IMMP2L: variants seen among roughly 807,000 people sequenced by gnomAD.
IMMP2L encodes mitochondrial inner membrane protease subunit 2.
Under a neutral mutation model 19.3 loss-of-function variants are expected in IMMP2L, and 18 were observed. The ratio of observed to expected loss-of-function variants is 0.93; its 90% CI spans 0.64 to 1.38. The LOEUF is 1.38. Ranked by LOEUF, IMMP2L falls within the 40% of genes most tolerant of loss-of-function variation. IMMP2L has a pLI of 0.00. For missense variants in IMMP2L, 233 were observed against 218.2 expected, an observed-to-expected ratio of 1.07 and a Z score of -0.43; for synonymous variants, 76 against 73.0, an observed-to-expected ratio of 1.04 and a Z score of -0.21.
At chr7:110,973,956 C>T (rs1051463758) in intron 3 of IMMP2L, among the ~76,000 whole-genome samples, 4 of 152,032 alleles carry the variant, frequency 2.6e-5, no homozygotes, top group Non-Finnish European at 5.9e-5. Flanking sequence ...CCGTCATCTT[C>T]ATGTGTGGAC....
chr7:111,344,027 T>G (rs1413506656), intron 3 of IMMP2L, among the ~76,000 whole-genome samples: 2 of 152,114 alleles, frequency 1.3e-5, no homozygotes, highest in Non-Finnish European at 2.9e-5. Flanking sequence ...TATCTCCATT[T>G]TTTCTATACT....
At chr7:110,790,412 T>A (rs1800384205) in intron 5 of IMMP2L, among the ~76,000 whole-genome samples, 1 of 151,760 alleles carries the variant, frequency 6.6e-6, no homozygotes, top group Non-Finnish European at 1.5e-5. Context: ...GATAATTGTC[T>A]ATATGAAGAG....
At chr7:110,761,308 G>T (rs1268602373) in intron 5 of IMMP2L, among the ~76,000 whole-genome samples, 1 of 152,092 alleles carries the variant, frequency 6.6e-6, no homozygotes, top group South Asian at 2.1e-4. Flanking sequence ...ATCAAGCCCT[G>T]CTGACTGTTT....
At chr7:111,217,832 A>G (rs186344218) in intron 3 of IMMP2L, among the ~76,000 whole-genome samples, 1 of 152,204 alleles carries the variant, frequency 6.6e-6, no homozygotes, top group African/African-American at 2.4e-5. Context: ...TCTTCCCTAT[A>G]TATTCTAGAA....
chr7:111,119,924 C>G (rs1411177081), intron 3 of IMMP2L, among the ~76,000 whole-genome samples: 1 of 152,058 alleles, frequency 6.6e-6, no homozygotes, highest in African/African-American at 2.4e-5. Flanking sequence ...ATATGAAAGT[C>G]TTGTATGAAA....
At chr7:111,119,143 G>T (rs1057093038) in intron 3 of IMMP2L, among the ~76,000 whole-genome samples, 1 of 152,110 alleles carries the variant, frequency 6.6e-6, no homozygotes, top group Non-Finnish European at 1.5e-5. Context: ...CAGACCTAAC[G>T]AATTAATTGA....
intron 3 of IMMP2L, among the ~76,000 whole-genome samples, chr7:111,111,766 A>G (rs765044478): frequency 1.3e-5 from 2 of 151,970 alleles, no homozygotes; most frequent in Non-Finnish European, 2.9e-5. Flanking sequence ...GCTTCAAGTA[A>G]AGAGTTATTG....
At chr7:111,319,715 G>A (rs904001667) in intron 3 of IMMP2L, among the ~76,000 whole-genome samples, 2 of 151,898 alleles carry the variant, frequency 1.3e-5, no homozygotes, top group South Asian at 4.1e-4. Flanking sequence ...TTAAACCTAA[G>A]TTTTTTTAGA....
intron 3 of IMMP2L, among the ~76,000 whole-genome samples, chr7:111,049,591 T>C (rs924331057): frequency 6.6e-6 from 1 of 152,198 alleles, no homozygotes. Context: ...CCCCTTAAAT[T>C]CTACATACTT....
chr7:111,258,214 T>C (rs1816936157), intron 3 of IMMP2L, among the ~76,000 whole-genome samples: 1 of 152,102 alleles, frequency 6.6e-6, no homozygotes, highest in African/African-American at 2.4e-5. Context: ...ACCACAAATC[T>C]CAATGATGAA....
intron 5 of IMMP2L, among the ~76,000 whole-genome samples, chr7:110,790,883 A>G (rs965854913): frequency 6.6e-6 from 1 of 151,712 alleles, no homozygotes; most frequent in Non-Finnish European, 1.5e-5. Context: ...AAAGAGACCA[A>G]TAATGACACC....
chr7:110,815,329 G>T (rs1802399712), intron 5 of IMMP2L, among the ~76,000 whole-genome samples: 1 of 152,066 alleles, frequency 6.6e-6, no homozygotes, highest in Non-Finnish European at 1.5e-5. Flanking sequence ...CTTGATCATG[G>T]TGGATAAGCT....
At chr7:110,858,387 C>T (rs1807024412) in intron 5 of IMMP2L, among the ~76,000 whole-genome samples, 1 of 151,886 alleles carries the variant, frequency 6.6e-6, no homozygotes, top group Non-Finnish European at 1.5e-5. Flanking sequence ...GTTTTTGCAA[C>T]ACTAATTTAA....
intron 5 of IMMP2L, among the ~76,000 whole-genome samples, chr7:110,794,706 A>G (rs1384504715): frequency 3.3e-5 from 5 of 152,078 alleles, no homozygotes; most frequent in Non-Finnish European, 7.4e-5. Flanking sequence ...AGGTTTACTT[A>G]GAAGAAAATA....
chr7:110,817,022 G>C (rs149858096), intron 5 of IMMP2L, among the ~76,000 whole-genome samples: 2,736 of 152,192 alleles, frequency 0.018, 89 homozygotes, highest in African/African-American at 0.063. Flanking sequence ...ATGTTAGCTG[G>C]TTATTTTGCT....
At chr7:111,312,558 T>C (rs1468470074) in intron 3 of IMMP2L, among the ~76,000 whole-genome samples, 1 of 152,094 alleles carries the variant, frequency 6.6e-6, no homozygotes, top group Admixed American at 6.6e-5. Flanking sequence ...AACCCATAAT[T>C]TCCTTTCTAT....
At chr7:110,879,256 T>C (rs1302248615) in intron 5 of IMMP2L, among the ~76,000 whole-genome samples, 1 of 151,936 alleles carries the variant, frequency 6.6e-6, no homozygotes, top group African/African-American at 2.4e-5. Context: ...CCTGCTGTGG[T>C]GTGCACCTGT....
At chr7:111,551,708 CA>C (rs1023233281) in intron 1 of IMMP2L, among the ~76,000 whole-genome samples, 1 of 151,888 alleles carries the variant, frequency 6.6e-6, no homozygotes, top group African/African-American at 2.4e-5. Flanking sequence ...ACCACCTCAG[CA>C]AAATACAACC....
chr7:111,255,664 G>A (rs563242145), intron 3 of IMMP2L, among the ~76,000 whole-genome samples: 54 of 152,134 alleles, frequency 3.5e-4, no homozygotes, highest in Middle Eastern at 3.4e-3. Context: ...CAGGAAAGGT[G>A]ACTGGGCCAT....
Sources: gnomAD v4.1 joint callset for allele counts (sites outside exome capture counted in the v4.1 genomes callset) on GRCh38, gnomAD v4.1.1 for gene constraint, MANE v1.5 for transcripts, NCBI Gene and HGNC (gene_info 2026-07-23, HGNC 2026-07-21) for gene names.